Variants in DNAJC5G observed in about 807,000 individuals in gnomAD.
The protein encoded by DNAJC5G is DnaJ heat shock protein family (Hsp40) member C5 gamma.
Under a neutral mutation model 19.1 loss-of-function variants are expected in DNAJC5G, and 13 were observed. The observed-to-expected ratio is 0.68, with a 90% confidence interval of 0.44 to 1.08. The LOEUF is 1.08. Among genes scored for constraint, DNAJC5G ranks in the 50% least tolerant of loss-of-function variants. DNAJC5G has a pLI of 0.00. For synonymous variants in DNAJC5G, 81 were observed against 84.4 expected (o/e 0.96, Z 0.22); for missense variants, 245 against 230.4 (o/e 1.06, Z -0.41).
intron 3 of DNAJC5G, among the ~76,000 whole-genome samples, chr2:27,277,055 C>T (rs1678124650): frequency 6.6e-6 from 1 of 151,864 alleles, no homozygotes; most frequent in African/African-American, 2.4e-5. Context: ...AATTCTCTCA[C>T]CTCAGCCTCC....
At chr2:27,278,778 G>A (rs983288007) in intron 5 of DNAJC5G, among the ~76,000 whole-genome samples, 4 of 151,120 alleles carry the variant, frequency 2.6e-5, no homozygotes, top group Non-Finnish European at 5.9e-5. Context: ...AGGCCGAGGC[G>A]GGCGGATCAC....
intron 5 of DNAJC5G, among the ~76,000 whole-genome samples, chr2:27,279,076 C>T (rs1433309537): frequency 6.6e-6 from 1 of 151,020 alleles, no homozygotes; most frequent in Non-Finnish European, 1.5e-5. Flanking sequence ...GCAGGTTAAT[C>T]CCTAAATATG....
chr2:27,280,072 A>T, intron 5 of DNAJC5G, 94 bp from the exon 6 acceptor site: 3 of 1,193,414 alleles, frequency 2.5e-6, no homozygotes, highest in Non-Finnish European at 1.2e-6. Flanking sequence ...GGTGATGCTA[A>T]TGAGTAACTG....
chr2:27,280,015 C>G (rs1006651170), intron 5 of DNAJC5G, 151 bp from the exon 6 acceptor site: 6 of 658,328 alleles, frequency 9.1e-6, no homozygotes, highest in South Asian at 1.9e-5. Flanking sequence ...TCATTCCCCC[C>G]CAAATGAACT....
At chr2:27,279,901 T>G (rs897035264) in intron 5 of DNAJC5G, among the ~76,000 whole-genome samples, 9 of 149,160 alleles carry the variant, frequency 6.0e-5, no homozygotes. Flanking sequence ...CCAGCCTGGG[T>G]GACAGAGTGA....
At chr2:27,276,504 A>G in intron 2 of DNAJC5G, 117 bp downstream of exon 2, 1 of 497,886 alleles carries the variant, frequency 2.0e-6, no homozygotes. Context: ...ATGCTGGGAA[A>G]TGTGAGGAGA....
At position 27,277,780 on chromosome 2, in the gene DNAJC5G, C is replaced by T; in HGVS notation, c.140C>T (p.Pro47Leu). Residue 47 changes from proline to leucine, a missense_variant, in exon 4 of 7, where the codon CCT becomes CTT. Physicochemically the swap from Pro to Leu is moderately conservative, Grantham distance 98 (BLOSUM62 -3). Transcript: ENST00000296097. ...CATTCCGCATTGCTTCCCCACCCTC[C>T]TTTTGAGTATCACCTGGGTAGGAAA... ...YSHSALLPHP[P>L]FEYHLGRKLA... is the part of the protein sequence containing the mutation. 6.2e-7 allele frequency: 1 copy of T among 1,614,078 alleles called. No homozygotes were observed. The highest frequency in any genetic ancestry group is 8.5e-7 in the Non-Finnish European group (1 of 1,179,954).
Position 27,275,440 on chromosome 2 carries a change from C to G in DNAJC5G, c.-399C>G. The G allele has an allele frequency of 2.8e-6, 1 of 356,436 alleles. No homozygotes were observed. The highest frequency in any genetic ancestry group is 5.5e-6 in the Non-Finnish European group (1 of 180,974). The allele number at this position is 356,436 out of a possible 1,614,324, so 22.1% of individuals were successfully genotyped here. A position where few individuals can be genotyped will look rare whatever the true frequency, so the allele number is the denominator to read the frequency against. On this transcript the variant is annotated 5_prime_UTR_variant, in exon 1 of 7. Coordinates refer to ENST00000296097, the MANE Select transcript of DNAJC5G (RefSeq NM_173650.3). ...GGCGCCAAAAAACGACCTGCCCAGACCCTCAGCGTCGACGCTGCGCACAAG... is the reference window on the plus strand; with the variant it reads ...GGCGCCAAAAAACGACCTGCCCAGAGCCTCAGCGTCGACGCTGCGCACAAG...
At position 27,280,421 on chromosome 2, in the gene DNAJC5G, G is replaced by A. The variant is rs997536721; in HGVS notation, c.*19-8G>A. 7 of 549,974 alleles carry A rather than the reference G, an allele frequency of 1.3e-5. No homozygotes were observed. The highest frequency in any genetic ancestry group is 9.9e-4 in the Middle Eastern group (2 of 2,022). The allele number at this position is 549,974 out of a possible 1,614,324, so 34.1% of individuals were successfully genotyped here. ...GATTAATAAAGCGCCACCTTCTTCC[G>A]CCACTAGGTGCTGACCCAGTGAGGG... On this transcript the variant is annotated splice_polypyrimidine_tract_variant and splice_region_variant and intron_variant, in intron 6 of 6. Coordinates refer to ENST00000296097, the MANE Select transcript of DNAJC5G (RefSeq NM_173650.3).
Position 27,280,412 on chromosome 2 carries a change from CCTT to C in DNAJC5G, c.*19-12_*19-10del. On this transcript the variant is annotated splice_polypyrimidine_tract_variant and intron_variant, in intron 6 of 6. Transcript: ENST00000296097. Reference sequence around the variant, plus strand: ...ATTCCTTCTGATTAATAAAGCGCCACCTTCTTCCGCCACTAGGTGCTGACCCAG... The same window carrying C: ...ATTCCTTCTGATTAATAAAGCGCCACCTTCCGCCACTAGGTGCTGACCCAG... 1 of 569,310 alleles carries C rather than the reference CCTT, an allele frequency of 1.8e-6. No individual in the cohort carries two copies. Among genetic ancestry groups the C allele is most frequent in the Non-Finnish European group, 3.1e-6 (1 of 322,230 alleles). The allele number at this position is 569,310 out of a possible 1,614,324, so 35.3% of individuals were successfully genotyped here.
At chr2:27,277,622 C>T in intron 3 of DNAJC5G, 132 bp from the exon 4 acceptor site, 1 of 1,218,746 alleles carries the variant, frequency 8.2e-7, no homozygotes, top group South Asian at 1.4e-5. Context: ...CACCATCACC[C>T]TCTTCATTAT....
chr2:27,278,138 C>G, intron 4 of DNAJC5G, 50 bp from the exon 5 acceptor site: 1 of 1,612,512 alleles, frequency 6.2e-7, no homozygotes, highest in Non-Finnish European at 8.5e-7. Context: ...GAAGCTTGAG[C>G]AGTCATATAG....
Position 27,277,908 on chromosome 2 carries a change from A to T in DNAJC5G, c.268A>T (p.Lys90Ter), listed in dbSNP as rs1678183887. ...AAHAILSDSKKRKIYDQHGSL... is the reference protein window; with the variant it reads ...AAHAILSDSK ...TCATGCCATACTGAGCGACTCTAAGAAGCGGAAAATTTACGACCAGCATGG... is the reference window on the plus strand; with the variant it reads ...TCATGCCATACTGAGCGACTCTAAGTAGCGGAAAATTTACGACCAGCATGG... Residue 90 changes from lysine to a stop codon, truncating the protein, a stop_gained, in exon 4 of 7, where the codon AAG (lysine) becomes TAG (stop). Transcript: ENST00000296097. LOFTEE classifies it high-confidence loss of function. 6.2e-7 allele frequency: 1 copy of T among 1,614,094 alleles called. No homozygotes were observed. The highest frequency in any genetic ancestry group is 8.5e-7 in the Non-Finnish European group (1 of 1,180,046).
Position 27,277,884 on chromosome 2 carries a change from C to G in DNAJC5G, c.244C>G (p.His82Asp). The change falls in exon 4 of 7, where the codon CAT becomes GAT. Residue 82 changes from histidine (H) to aspartate (D), a missense_variant. His to Asp is a moderately conservative substitution (Grantham distance 81). Coordinates refer to ENST00000296097, the MANE Select transcript of DNAJC5G (RefSeq NM_173650.3). ...AATATTCAAAGAGATCAACGCAGCTCATGCCATACTGAGCGACTCTAAGAA... is the reference window on the plus strand; with the variant it reads ...AATATTCAAAGAGATCAACGCAGCTGATGCCATACTGAGCGACTCTAAGAA... ...AEIFKEINAA[H>D]AILSDSKKRK... is the part of the protein sequence containing the mutation. 6.2e-7 allele frequency: 1 copy of G among 1,614,194 alleles called. No homozygotes were observed. Among genetic ancestry groups the G allele is most frequent in the Non-Finnish European group, 8.5e-7 (1 of 1,180,046 alleles).
Position 27,277,838 on chromosome 2 carries a change from AG to A in DNAJC5G, c.201del (p.Asn68MetfsTer18). 1 of 1,614,164 alleles carries A rather than the reference AG, an allele frequency of 6.2e-7. No homozygotes were observed. ...ALRYHPDKNP[G>X]NAQAAEIFKE... is the part of the protein sequence containing the mutation. Reference sequence around the variant, plus strand: ...TGCGGTATCATCCCGACAAGAATCCAGGGAATGCTCAAGCAGCAGAAATATT... The same window carrying A: ...TGCGGTATCATCCCGACAAGAATCCAGGAATGCTCAAGCAGCAGAAATATT... On this transcript the variant is annotated frameshift_variant, in exon 4 of 7. Coordinates refer to ENST00000296097, the MANE Select transcript of DNAJC5G (RefSeq NM_173650.3). LOFTEE classifies it high-confidence loss of function.
chr2:27,279,748 CAAAAAA>C (rs936898268), intron 5 of DNAJC5G, among the ~76,000 whole-genome samples: 9 of 68,864 alleles, frequency 1.3e-4, no homozygotes, highest in Non-Finnish European at 2.9e-4. Flanking sequence ...CCAGTATCTA[CAAAAAA>C]AAAAAAAAAA....
intron 5 of DNAJC5G, among the ~76,000 whole-genome samples, chr2:27,279,278 TTTG>T (rs567198675): frequency 1.7e-3 from 263 of 151,930 alleles, no homozygotes; most frequent in African/African-American, 6.0e-3. Context: ...GGATGCAATT[TTTG>T]TTGTTGTTGT....
intron 5 of DNAJC5G, among the ~76,000 whole-genome samples, chr2:27,278,683 C>CAAA (rs1180058010): frequency 2.6e-4 from 7 of 26,726 alleles, no homozygotes; most frequent in Non-Finnish European, 3.5e-4. Context: ...GACTCCATCT[C>CAAA]AAAAAAAAAA....
chr2:27,276,598 C>A, intron 2 of DNAJC5G, 128 bp from the exon 3 acceptor site: 2 of 711,320 alleles, frequency 2.8e-6, no homozygotes, highest in Non-Finnish European at 4.6e-6. Context: ...CTTATCTTAT[C>A]CTTGTCCTTC....
Sources: allele counts gnomAD v4.1 joint callset (sites outside exome capture counted in the v4.1 genomes callset), GRCh38; gene constraint gnomAD v4.1.1; transcripts MANE v1.5; gene names NCBI Gene and HGNC (gene_info 2026-07-23, HGNC 2026-07-21).